CLEC4E: variants seen among roughly 807,000 people sequenced by gnomAD.
CLEC4E encodes C-type lectin domain family 4 member E.
Under a neutral mutation model 24.7 loss-of-function variants are expected in CLEC4E, and 21 were observed. The observed-to-expected ratio is 0.85, with a 90% CI of 0.60 to 1.22. The LOEUF is 1.22. Ranked by LOEUF, CLEC4E falls within the 50% of genes most tolerant of loss-of-function variation. CLEC4E has a pLI of 0.00. For missense variants in CLEC4E, 249 were observed against 254.1 expected (o/e 0.98, Z 0.14); for synonymous variants, 94 against 85.7 (o/e 1.10, Z -0.54).
intron 1 of CLEC4E, 127 bp downstream of exon 1, chr12:8,540,633 CT>C: frequency 1.2e-6 from 1 of 831,300 alleles, no homozygotes; most frequent in Admixed American, 2.2e-5. Flanking sequence ...CTCTCTCTCT[CT>C]TCCTCTGTCC....
chr12:8,537,263 G>A lies in CLEC4E; in HGVS notation c.224C>T (p.Ser75Leu), dbSNP rs891004624. ...ELSCYNYGSG[S>L]VKNCCPLNWE... ...GTTCAATGGACAACAATTCTTGACT[G>A]AACCTAGGATGAGAGATGTTTCAGT... Residue 75 changes from serine (S) to leucine (L), a missense_variant, in exon 4 of 6, where the codon TCA becomes TTA. Coordinates refer to ENST00000299663, the MANE Select transcript of CLEC4E (RefSeq NM_014358.4). The A allele has an allele frequency of 6.8e-6, 11 of 1,612,650 alleles. No homozygotes were observed. Among genetic ancestry groups the A allele is most frequent in the Non-Finnish European group, 9.3e-6 (11 of 1,178,996 alleles).
chr12:8,537,664 T>A (rs144277182), intron 3 of CLEC4E, among the ~76,000 whole-genome samples: 19 of 152,126 alleles, frequency 1.2e-4, no homozygotes, highest in Admixed American at 5.2e-4. Flanking sequence ...ATCTCCATAC[T>A]GTAGTATATA....
At chr12:8,540,321 C>G (rs1205268200) in intron 1 of CLEC4E, among the ~76,000 whole-genome samples, 3 of 151,966 alleles carry the variant, frequency 2.0e-5, no homozygotes, top group African/African-American at 7.2e-5. Context: ...TCTAAGGCCC[C>G]CCTTCTTTCT....
chr12:8,535,177 T>C lies in CLEC4E; in HGVS notation c.489-368A>G, dbSNP rs542070065. Among the ~76,000 whole-genome samples, 12 of 152,358 alleles carry C rather than the reference T, an allele frequency of 7.9e-5. No homozygotes were observed. The South Asian group carries it at 1.0e-3, about 13-fold the overall frequency. On this transcript the variant is annotated intron_variant, in intron 5 of 5. Transcript: ENST00000299663. Reference sequence around the variant, plus strand: ...CATATCGGCTTAGCTCTCTTTATTCTGCACAGAGTGTGTATTAACTTAGGT... The same window carrying C: ...CATATCGGCTTAGCTCTCTTTATTCCGCACAGAGTGTGTATTAACTTAGGT...
At chr12:8,539,351 A>G (rs1378989971) in intron 2 of CLEC4E, 45 bp from the exon 3 acceptor site, 3 of 1,225,244 alleles carry the variant, frequency 2.4e-6, no homozygotes, top group Non-Finnish European at 2.4e-6. Context: ...ATTTCGGTTA[A>G]AAATGTCAGT....
At chr12:8,539,419 A>G (rs1404330439) in intron 2 of CLEC4E, 113 bp from the exon 3 acceptor site, 5 of 724,218 alleles carry the variant, frequency 6.9e-6, no homozygotes, top group African/African-American at 3.6e-5. Flanking sequence ...TTTTCTTACA[A>G]TCTGCTTTTT....
chr12:8,540,669 T>C, intron 1 of CLEC4E, 92 bp downstream of exon 1: 1 of 1,145,088 alleles, frequency 8.7e-7, no homozygotes, highest in East Asian at 2.3e-5. Flanking sequence ...TTAACTTCAG[T>C]GAATACTTTT....
At position 8,534,383 on chromosome 12, in the gene CLEC4E, G is replaced by A; in HGVS notation, c.*255C>T. ...CTTTCATACGAACACTAAAAAATGAGGCAAATGTAGCAAAAGGTAGTGAAT... is the reference window on the plus strand; with the variant it reads ...CTTTCATACGAACACTAAAAAATGAAGCAAATGTAGCAAAAGGTAGTGAAT... On this transcript the variant is annotated 3_prime_UTR_variant, in exon 6 of 6. Coordinates refer to ENST00000299663, the MANE Select transcript of CLEC4E (RefSeq NM_014358.4). 3.8e-6 allele frequency: 1 copy of A among 261,768 alleles called. No individual in the cohort carries two copies. Among genetic ancestry groups the A allele is most frequent in the Non-Finnish European group, 7.3e-6 (1 of 137,724 alleles). 16.2% of individuals were successfully genotyped at this position (261,768 alleles called of 1,614,324 possible). A position where few individuals can be genotyped will look rare whatever the true frequency, so the allele number is the denominator to read the frequency against.
intron 3 of CLEC4E, among the ~76,000 whole-genome samples, chr12:8,537,513 A>G (rs1435506250): frequency 6.6e-6 from 1 of 152,254 alleles, no homozygotes; most frequent in African/African-American, 2.4e-5. Flanking sequence ...CTATATATGC[A>G]AACTATCTTA....
Position 8,535,018 on chromosome 12 carries a change from C to T in CLEC4E, c.489-209G>A, listed in dbSNP as rs745524207. Reference sequence around the variant, plus strand: ...CAGTTTGTGAGTACTGAAGCTGAACCGGATCTTTCTGACTTTCTATTCTGT... The same window carrying T: ...CAGTTTGTGAGTACTGAAGCTGAACTGGATCTTTCTGACTTTCTATTCTGT... On this transcript the variant is annotated intron_variant, in intron 5 of 5. Coordinates refer to ENST00000299663, the MANE Select transcript of CLEC4E (RefSeq NM_014358.4). Among the ~76,000 whole-genome samples the T allele has an allele frequency of 2.6e-5, 4 of 152,154 alleles. No homozygotes were observed. In the South Asian group the frequency reaches 6.2e-4, roughly 24 times the overall value.
chr12:8,535,796 ACT>A (rs1940603870), intron 5 of CLEC4E, among the ~76,000 whole-genome samples: 1 of 152,220 alleles, frequency 6.6e-6, no homozygotes, highest in Non-Finnish European at 1.5e-5. Flanking sequence ...TTCTCAACTT[ACT>A]ATTTTTTTCC....
In CLEC4E at chr12:8,533,919, A is replaced by G. The variant is rs1408862750; in HGVS notation, c.*719T>C. The G allele has an allele frequency of 2.0e-5, 3 of 152,230 alleles. No individual in the cohort carries two copies. Among genetic ancestry groups the G allele is most frequent in the African/African-American group, 7.2e-5 (3 of 41,460 alleles). 9.4% of individuals were successfully genotyped at this position (152,230 alleles called of 1,614,324 possible). A position where few individuals can be genotyped will look rare whatever the true frequency, so the allele number is the denominator to read the frequency against. On this transcript the variant is annotated 3_prime_UTR_variant, in exon 6 of 6. Transcript: ENST00000299663. ...ATGAATGTTCGCTTAGAATAAATTG[A>G]CTATTGGACTCGGGTCCTAGCTGAG...
chr12:8,536,125 T>C lies in CLEC4E; in HGVS notation c.453A>G (p.Gln151=), dbSNP rs769578541. 7.4e-6 allele frequency: 12 copies of C among 1,613,082 alleles called. No individual in the cohort carries two copies. Among genetic ancestry groups the C allele is most frequent in the African/African-American group, 4.0e-5 (3 of 74,876 alleles). ...LSDQVVEGQW[Q]WVDGTPLTKS... is the part of the protein sequence containing the mutation. ...TTGTCAAAGGTGTGCCGTCCACCCATTGCCACTGACCCTCGACAACCTGGT... is the reference window on the plus strand; with the variant it reads ...TTGTCAAAGGTGTGCCGTCCACCCACTGCCACTGACCCTCGACAACCTGGT... The change falls in exon 5 of 6, where the codon CAA becomes CAG. Residue 151 remains glutamine, a synonymous_variant. Coordinates refer to ENST00000299663, the MANE Select transcript of CLEC4E (RefSeq NM_014358.4).
intron 5 of CLEC4E, 151 bp from the exon 6 acceptor site, chr12:8,534,960 A>T: frequency 3.2e-6 from 2 of 628,264 alleles, no homozygotes; most frequent in South Asian, 5.0e-5. Context: ...GAAGAAAAGG[A>T]ACCTCAGGAA....
At chr12:8,538,666 A>G (rs752335612) in intron 3 of CLEC4E, among the ~76,000 whole-genome samples, 8 of 152,124 alleles carry the variant, frequency 5.3e-5, no homozygotes, top group Non-Finnish European at 1.0e-4. Flanking sequence ...ACAGGGAGAG[A>G]CCCACCAACC....
Position 8,534,640 on chromosome 12 carries a change from A to G in CLEC4E, c.658T>C (p.Ter220GlnextTer41). Residue 220 changes from the stop codon to glutamine (Q), a stop_lost, in exon 6 of 6, where the codon TAA becomes CAA. Transcript: ENST00000299663. ...INPLNKGKSL[*>Q] ...CATTTGAGTTGTGCCTTCTGTTCTT[A>G]AAGAGATTTTCCTTTGTTCAAAGGA... 6.2e-7 allele frequency: 1 copy of G among 1,612,272 alleles called. No homozygotes were observed. Among genetic ancestry groups the G allele is most frequent in the Non-Finnish European group, 8.5e-7 (1 of 1,178,784 alleles).
At position 8,540,452 on chromosome 12, in the gene CLEC4E, AATAGTTC is replaced by A. The variant is rs201966107; in HGVS notation, c.37+302_37+308del. Among the ~76,000 whole-genome samples the A allele has an allele frequency of 4.8e-3, 728 of 151,394 alleles. 10 individuals are homozygous for A. Among genetic ancestry groups the A allele is most frequent in the African/African-American group, 0.017 (684 of 41,166 alleles). On this transcript the variant is annotated intron_variant, in intron 1 of 5. Coordinates refer to ENST00000299663, the MANE Select transcript of CLEC4E (RefSeq NM_014358.4). ...TTAGGTAAAATGTTAACAGTCATCT[AATAGTTC>A]CTCTCTTCCTCCCATTAAACATTTT...
At chr12:8,538,947 GA>G (rs1298055167) in intron 3 of CLEC4E, 17 of 406,054 alleles carry the variant, frequency 4.2e-5, no homozygotes, top group East Asian at 7.1e-5. Flanking sequence ...GTAGGTGAAT[GA>G]AAAAAAAGGT....
intron 5 of CLEC4E, among the ~76,000 whole-genome samples, chr12:8,535,878 T>C (rs774418664): frequency 3.9e-5 from 6 of 152,208 alleles, no homozygotes; most frequent in Admixed American, 1.3e-4. Flanking sequence ...TCTCAGTGAA[T>C]GATTCTTCAG....
Sources: gnomAD v4.1 joint callset for allele counts (sites outside exome capture counted in the v4.1 genomes callset) on GRCh38, gnomAD v4.1.1 for gene constraint, MANE v1.5 for transcripts, NCBI Gene and HGNC (gene_info 2026-07-23, HGNC 2026-07-21) for gene names.